The following STXBP5 variants were observed in gnomAD, a reference collection of about 807,000 sequenced individuals.
STXBP5 encodes the protein syntaxin binding protein 5, also known as syntaxin-binding protein 5.
In STXBP5, 50 loss-of-function variants were observed where a neutral mutation model predicts 152.4. The observed-to-expected ratio is 0.33, with a 90% CI of 0.26 to 0.42. STXBP5 has a LOEUF of 0.42. STXBP5 is among the 10% of genes least tolerant of loss of function. STXBP5 has a pLI of 1.00. For synonymous variants in STXBP5, 492 were observed against 494.7 expected, an observed-to-expected ratio of 0.99 and a Z score of 0.07; for missense variants, 1,167 against 1,388.6, an observed-to-expected ratio of 0.84 and a Z score of 2.54.
At chr6:147,303,693 G>A (rs558723289) in intron 9 of STXBP5, among the ~76,000 whole-genome samples, 32 of 152,178 alleles carry the variant, frequency 2.1e-4, no homozygotes, top group African/African-American at 7.5e-4. Flanking sequence ...TCAGAAGACC[G>A]AAAGATATGG....
At chr6:147,290,302 A>G (rs1781213917) in intron 8 of STXBP5, among the ~76,000 whole-genome samples, 1 of 152,204 alleles carries the variant, frequency 6.6e-6, no homozygotes, top group South Asian at 2.1e-4. Context: ...GGATACTAGA[A>G]TGTGACAAGT....
rs552615780 is a variant in STXBP5, at chr6:147,357,742, A to G, written c.2306-1342A>G. Reference sequence around the variant, plus strand: ...TGCCATCAGATGTATAGGTCAAATGAAAAGGAGAAACCCAAACTGTGGCTC... The same window carrying G: ...TGCCATCAGATGTATAGGTCAAATGGAAAGGAGAAACCCAAACTGTGGCTC... On this transcript the variant is annotated intron_variant, in intron 22 of 27. Coordinates refer to ENST00000321680, the MANE Select transcript of STXBP5 (RefSeq NM_001127715.4). Among the ~76,000 whole-genome samples, 3 of 152,250 alleles carry G rather than the reference A, an allele frequency of 2.0e-5. No individual in the cohort carries two copies. In the South Asian group the frequency reaches 6.2e-4, roughly 32 times the overall value.
At chr6:147,324,432 C>T (rs759095770) in intron 16 of STXBP5, among the ~76,000 whole-genome samples, 117 of 151,732 alleles carry the variant, frequency 7.7e-4, no homozygotes, top group Non-Finnish European at 1.2e-3. Context: ...ACCACCACGC[C>T]AGGCTAATTT....
At chr6:147,242,444 G>A (rs1239663095) in intron 4 of STXBP5, among the ~76,000 whole-genome samples, 1 of 152,084 alleles carries the variant, frequency 6.6e-6, no homozygotes, top group African/African-American at 2.4e-5. Flanking sequence ...GTCTACACTA[G>A]GGTACAGTAA....
chr6:147,370,971 C>T (rs1028837158), intron 25 of STXBP5, among the ~76,000 whole-genome samples: 1 of 152,010 alleles, frequency 6.6e-6, no homozygotes, highest in African/African-American at 2.4e-5. Context: ...TTGACCCATT[C>T]ATGAAATTAG....
chr6:147,300,091 T>G (rs2128360812), intron 9 of STXBP5, among the ~76,000 whole-genome samples: 1 of 152,110 alleles, frequency 6.6e-6, no homozygotes, highest in South Asian at 2.1e-4. Context: ...TAGCTAGGAT[T>G]AAATTTAACA....
chr6:147,368,320 C>T (rs768966683), intron 25 of STXBP5, among the ~76,000 whole-genome samples: 1 of 151,862 alleles, frequency 6.6e-6, no homozygotes, highest in African/African-American at 2.4e-5. Context: ...TACATTATGA[C>T]CAAGTGAGAC....
At chr6:147,206,420 ATTAC>A (rs1399057523) in intron 2 of STXBP5, among the ~76,000 whole-genome samples, 1 of 152,202 alleles carries the variant, frequency 6.6e-6, no homozygotes, top group Non-Finnish European at 1.5e-5. Context: ...TTTAAAGACA[ATTAC>A]TTTTAAAAAT....
chr6:147,313,811 TTTTTA>T, intron 11 of STXBP5, 68 bp from the exon 12 acceptor site: 1 of 1,029,628 alleles, frequency 9.7e-7, no homozygotes. Flanking sequence ...TTTTTTAAAG[TTTTTA>T]TTTTTGTATT....
chr6:147,235,393 A>C (rs1477136767), intron 3 of STXBP5, 62 bp downstream of exon 3: 2 of 1,358,042 alleles, frequency 1.5e-6, no homozygotes, highest in African/African-American at 1.5e-5. Flanking sequence ...CTAGTCTTTC[A>C]GATTTCTTAC....
intron 8 of STXBP5, 112 bp from the exon 9 acceptor site, chr6:147,290,982 A>G: frequency 2.7e-6 from 2 of 750,518 alleles, no homozygotes; most frequent in African/African-American, 1.8e-5. Context: ...AATCACTTTA[A>G]AATGTTTCAT....
chr6:147,267,928 A>G (rs1779974438), intron 7 of STXBP5, among the ~76,000 whole-genome samples: 1 of 152,072 alleles, frequency 6.6e-6, no homozygotes. Context: ...TTCCTTCTCT[A>G]CTTATTATGT....
chr6:147,316,275 C>T lies in STXBP5; in HGVS notation c.1670C>T (p.Pro557Leu), dbSNP rs748019156. The T allele has an allele frequency of 8.1e-6, 13 of 1,613,692 alleles. No individual in the cohort carries two copies. Among genetic ancestry groups the T allele is most frequent in the Admixed American group, 1.7e-5 (1 of 59,930 alleles). Residue 557 changes from proline to leucine, a missense_variant, in exon 16 of 28, where the codon CCG becomes CTG. By Grantham distance (98) the Pro-to-Leu change is moderately conservative. Around this residue, in one of 3 missense-constraint regions of STXBP5, gnomAD observed 833 missense variants for 986.3 expected, o/e 0.84. Coordinates refer to ENST00000321680, the MANE Select transcript of STXBP5 (RefSeq NM_001127715.4). Reference sequence around the variant, plus strand: ...TATGAGATAAATGATGTGGAAACTCCGGAGGGTGAGCAGCCACCACCTTTG... The same window carrying T: ...TATGAGATAAATGATGTGGAAACTCTGGAGGGTGAGCAGCCACCACCTTTG... The part of the protein sequence containing the change: ...LLYEINDVET[P>L]EGEQPPPLPT...
intron 19 of STXBP5, among the ~76,000 whole-genome samples, chr6:147,338,362 A>G (rs1360160276): frequency 1.3e-5 from 2 of 152,056 alleles, no homozygotes; most frequent in African/African-American, 4.8e-5. Context: ...AGTGATTTAT[A>G]GCTGAGGAGA....
chr6:147,359,334 C>T lies in STXBP5; in HGVS notation c.2545+11C>T, dbSNP rs1784957786. On this transcript the variant is annotated intron_variant, in intron 23 of 27. Transcript: ENST00000321680. ...TTGTGTCTCCAAGTGGTATGTATTG[C>T]TGCTGCACTTAGAGTTACATTACAG... 1 of 1,606,150 alleles carries T rather than the reference C, an allele frequency of 6.2e-7. No individual in the cohort carries two copies. The highest frequency in any genetic ancestry group is 8.5e-7 in the Non-Finnish European group (1 of 1,174,036).
At chr6:147,328,109 TCTA>T (rs1423516825) in intron 18 of STXBP5, among the ~76,000 whole-genome samples, 1 of 152,234 alleles carries the variant, frequency 6.6e-6, no homozygotes. Flanking sequence ...TTTTAAATGT[TCTA>T]CTGTAATACC....
At chr6:147,370,391 T>A (rs1302082348) in intron 25 of STXBP5, among the ~76,000 whole-genome samples, 5 of 152,180 alleles carry the variant, frequency 3.3e-5, no homozygotes, top group Admixed American at 6.5e-5. Flanking sequence ...ATGCCAGTTT[T>A]TGTATGTCGA....
chr6:147,218,511 T>C (rs989878160), intron 2 of STXBP5, among the ~76,000 whole-genome samples: 4 of 152,170 alleles, frequency 2.6e-5, no homozygotes, highest in Non-Finnish European at 5.9e-5. Flanking sequence ...GAGACAGTCT[T>C]GCTCTGTTTC....
intron 2 of STXBP5, among the ~76,000 whole-genome samples, chr6:147,226,035 G>A (rs952790804): frequency 3.9e-5 from 6 of 152,162 alleles, no homozygotes; most frequent in South Asian, 2.1e-4. Flanking sequence ...TGACTGGAGC[G>A]GACATGGTGG....
Sources: gnomAD v4.1 joint callset for allele counts (sites outside exome capture counted in the v4.1 genomes callset) on GRCh38, gnomAD v4.1.1 for gene constraint, gnomAD v4.1.1 regional missense constraint, MANE v1.5 for transcripts, NCBI Gene and HGNC (gene_info 2026-07-23, HGNC 2026-07-21) for gene names.